Variants in MYO18A observed in about 807,000 individuals in gnomAD.
MYO18A encodes unconventional myosin-XVIIIa.
MYO18A carries 78 observed loss-of-function variants against 235.8 expected under a neutral mutation model. The ratio of observed to expected loss-of-function variants is 0.33; its 90% CI spans 0.28 to 0.40. The LOEUF (loss-of-function observed/expected upper bound fraction) is 0.40, where lower values mean the gene tolerates loss of function less well. Among genes scored for constraint, MYO18A ranks in the 10% least tolerant of loss-of-function variants. The probability of loss-of-function intolerance (pLI) is 1.00; values close to 1 mark genes in which losing one functional copy is unlikely to be tolerated. For missense variants in MYO18A, 2,215 were observed against 2,699.3 expected (o/e 0.82, Z 3.98); for synonymous variants, 977 against 1,077.8 (o/e 0.91, Z 1.83).
intron 1 of MYO18A, among the ~76,000 whole-genome samples, chr17:29,170,211 C>T (rs1166921293): frequency 6.6e-6 from 1 of 152,234 alleles, no homozygotes; most frequent in Non-Finnish European, 1.5e-5. Context: ...CATCCCAACC[C>T]TGGGGCCTTC....
At chr17:29,122,015 G>C in intron 3 of MYO18A, 58 bp from the exon 4 acceptor site, 1 of 1,580,166 alleles carries the variant, frequency 6.3e-7, no homozygotes, top group Non-Finnish European at 8.7e-7. Flanking sequence ...TACTCCACTT[G>C]GGAACTTCTC....
chr17:29,115,025 T>C lies in MYO18A; in HGVS notation c.2393A>G (p.Gln798Arg), dbSNP rs756532319. The change falls in exon 14 of 42, where the codon CAG becomes CGG. Residue 798 changes from glutamine to arginine, a missense_variant. By Grantham distance (43) the Gln-to-Arg change is conservative (BLOSUM62 1). Transcript: ENST00000527372. ...GGAGGCTCCGCGGGCTGACCCACCC[T>C]GCTCAGGGTTCTGGAAGCCCGGGGT... Reference protein sequence around the residue: ...VDTPGFQNPEQGGSARGASFE... With the variant: ...VDTPGFQNPERGGSARGASFE... 3.1e-6 allele frequency: 5 copies of C among 1,613,780 alleles called. No individual in the cohort carries two copies. In the African/African-American group the frequency reaches 5.3e-5, roughly 17 times the overall value.
rs2152855452 is a variant in MYO18A, at chr17:29,120,591, C to T, written c.1728+25G>A. On this transcript the variant is annotated intron_variant, in intron 7 of 41. Transcript: ENST00000527372. This position sits in a 1 kb window ranked among gnomAD's most constrained non-coding sequence, Gnocchi z 4.2. ...AATCATGTGGCCTGTGTCCTACTAC[C>T]CCGAGTCCTGGGCAGCACTCTCACC... 1.2e-6 allele frequency: 2 copies of T among 1,607,336 alleles called. No homozygotes were observed. The highest frequency in any genetic ancestry group is 1.7e-6 in the Non-Finnish European group (2 of 1,176,536).
At chr17:29,116,418 A>C (rs776394904) in intron 11 of MYO18A, 26 bp downstream of exon 11, 3 of 1,613,964 alleles carry the variant, frequency 1.9e-6, no homozygotes, top group Non-Finnish European at 2.5e-6. Flanking sequence ...GCAATTAGGG[A>C]AAGCTAACAA....
intron 2 of MYO18A, among the ~76,000 whole-genome samples, chr17:29,159,801 C>T (rs1216183503): frequency 6.6e-6 from 1 of 152,194 alleles, no homozygotes; most frequent in Non-Finnish European, 1.5e-5. Context: ...TCCCCTACAG[C>T]AAAAGGGCTC....
At chr17:29,119,712 C>A (rs1429531636) in intron 7 of MYO18A, among the ~76,000 whole-genome samples, 2 of 151,936 alleles carry the variant, frequency 1.3e-5, no homozygotes, top group African/African-American at 4.8e-5. Context: ...TACAGGCATG[C>A]ACCACCATAC....
intron 2 of MYO18A, among the ~76,000 whole-genome samples, chr17:29,122,964 G>A (rs2067236435): frequency 6.6e-6 from 1 of 152,216 alleles, no homozygotes; most frequent in Non-Finnish European, 1.5e-5. Flanking sequence ...GCCATACAAA[G>A]GCACGAGGCA....
chr17:29,096,247 G>C (rs2066516603), intron 28 of MYO18A, among the ~76,000 whole-genome samples: 2 of 152,176 alleles, frequency 1.3e-5, no homozygotes, highest in Admixed American at 1.3e-4. Context: ...CCTCAGTACT[G>C]CTAATGAAGA....
At chr17:29,114,854 T>C in intron 14 of MYO18A, 53 bp downstream of exon 14, 1 of 1,561,496 alleles carries the variant, frequency 6.4e-7, no homozygotes, top group South Asian at 1.2e-5. Flanking sequence ...GCCCTCGCTG[T>C]GGGTGCCAAG....
chr17:29,080,808 C>T, intron 41 of MYO18A: 3 of 985,482 alleles, frequency 3.0e-6, no homozygotes, highest in Non-Finnish European at 3.6e-6. Context: ...GGCATGGCTC[C>T]TCCCTGGGGC....
intron 2 of MYO18A, among the ~76,000 whole-genome samples, chr17:29,151,704 G>A (rs1432585834): frequency 1.3e-5 from 2 of 152,186 alleles, no homozygotes; most frequent in East Asian, 3.8e-4. Flanking sequence ...GGCCAAGCAC[G>A]AGTAAGACAT....
At chr17:29,105,306 AG>A (rs2066757231) in intron 20 of MYO18A, among the ~76,000 whole-genome samples, 1 of 151,816 alleles carries the variant, frequency 6.6e-6, no homozygotes, top group South Asian at 2.1e-4. Context: ...GGGCAGCAGG[AG>A]GAAAGCCCAG....
intron 36 of MYO18A, 109 bp downstream of exon 36, chr17:29,090,423 G>T: frequency 2.1e-6 from 2 of 955,992 alleles, no homozygotes; most frequent in Non-Finnish European, 3.2e-6. Context: ...CTGCTCTGTG[G>T]ATTACTGATG....
intron 2 of MYO18A, chr17:29,124,763 AAGT>A: frequency 8.5e-7 from 1 of 1,181,202 alleles, no homozygotes; most frequent in Admixed American, 2.7e-5. Context: ...CCCCTTCAGC[AAGT>A]GCTCCTGAGT....
chr17:29,088,647 G>A (rs1893090719), intron 37 of MYO18A, among the ~76,000 whole-genome samples: 1 of 152,302 alleles, frequency 6.6e-6, no homozygotes, highest in African/African-American at 2.4e-5. Flanking sequence ...AGGTGAGAGG[G>A]ATGTAAACCC....
At chr17:29,092,577 C>T (rs2066423373) in intron 33 of MYO18A, 121 bp from the exon 34 acceptor site, 1 of 880,152 alleles carries the variant, frequency 1.1e-6, no homozygotes, top group Non-Finnish European at 1.8e-6. Flanking sequence ...ACTTCAGACC[C>T]CAGGGCCATG....
chr17:29,084,156 A>G (rs983919960), intron 40 of MYO18A, among the ~76,000 whole-genome samples: 4 of 152,148 alleles, frequency 2.6e-5, no homozygotes, highest in African/African-American at 9.7e-5. Context: ...GCACGTCCCC[A>G]TGCGTCTATG....
intron 2 of MYO18A, chr17:29,129,197 C>T (rs2067401049): frequency 2.7e-5 from 27 of 1,005,396 alleles, no homozygotes; most frequent in South Asian, 2.7e-4. Flanking sequence ...CCCTCGTCTG[C>T]GGCCACTGTC....
intron 2 of MYO18A, chr17:29,128,337 C>T: frequency 7.9e-7 from 1 of 1,271,868 alleles, no homozygotes; most frequent in South Asian, 1.3e-5. Context: ...ACCTTACTCA[C>T]CACCTTCCTC....
Sources: gnomAD v4.1 joint callset for allele counts (sites outside exome capture counted in the v4.1 genomes callset) on GRCh38, gnomAD v4.1.1 for gene constraint, Gnocchi (gnomAD v3.1) non-coding constraint, MANE v1.5 for transcripts, NCBI Gene and HGNC (gene_info 2026-07-23, HGNC 2026-07-21) for gene names.